The following EEF1G variants were observed in gnomAD, a reference collection of about 807,000 sequenced individuals.
The protein encoded by EEF1G is eukaryotic translation elongation factor 1 gamma.
In EEF1G, 14 loss-of-function variants were observed where a neutral mutation model predicts 58.3. The observed-to-expected ratio is 0.24, with a 90% CI of 0.16 to 0.38. The LOEUF (loss-of-function observed/expected upper bound fraction) is 0.38, where lower values mean the gene tolerates loss of function less well. Among genes scored for constraint, EEF1G ranks in the 10% least tolerant of loss-of-function variants. EEF1G has a pLI of 1.00. For missense variants in EEF1G, 322 were observed against 550.1 expected (o/e 0.59, Z 4.15); for synonymous variants, 180 against 206.8 (o/e 0.87, Z 1.11).
chr11:62,559,730 C>T lies in EEF1G; in HGVS notation c.1263G>A (p.Gly421=), dbSNP rs768449639. ...TLVREYFSWE[G]AFQHVGKAFN... is the part of the protein sequence containing the mutation. ...AGGCTTTGCCCACATGCTGGAAGGC[C>T]CCCTCCCAGGAAAAGTACTCTCGAA... is the stretch of plus-strand genomic sequence containing the variant. The change falls in exon 10 of 10, where the codon GGG becomes GGA. Residue 421 remains glycine, a synonymous_variant. Transcript: ENST00000329251. 41 of 1,613,968 alleles carry T rather than the reference C, an allele frequency of 2.5e-5. No individual in the cohort carries two copies. Among genetic ancestry groups the T allele is most frequent in the Non-Finnish European group, 3.4e-5 (40 of 1,179,890 alleles).
chr11:62,566,441 G>T (rs777744087), intron 7 of EEF1G, among the ~76,000 whole-genome samples: 3 of 152,054 alleles, frequency 2.0e-5, no homozygotes, highest in Admixed American at 1.3e-4. Flanking sequence ...GTGGCGCACC[G>T]CAAGGCTCTC....
At chr11:62,560,593 G>A in intron 7 of EEF1G, 139 bp from the exon 8 acceptor site, 1 of 974,716 alleles carries the variant, frequency 1.0e-6, no homozygotes, top group Non-Finnish European at 1.5e-6. Context: ...GACCTTATGA[G>A]GGAAGTAAGC....
intron 7 of EEF1G, among the ~76,000 whole-genome samples, chr11:62,566,029 G>T (rs1249126896): frequency 6.6e-6 from 1 of 152,102 alleles, no homozygotes; most frequent in East Asian, 1.9e-4. Context: ...CAGAGAAAGA[G>T]GAGTTCCAAA....
intron 7 of EEF1G, among the ~76,000 whole-genome samples, chr11:62,564,559 G>A (rs990922236): frequency 1.3e-5 from 2 of 151,488 alleles, no homozygotes; most frequent in Admixed American, 6.6e-5. Context: ...TCAGGAGTTC[G>A]AGACCAGCCT....
chr11:62,572,688 G>C lies in EEF1G; in HGVS notation c.67C>G (p.Gln23Glu), dbSNP rs376492856. 2.5e-6 allele frequency: 4 copies of C among 1,613,532 alleles called. No homozygotes were observed. The highest frequency in any genetic ancestry group is 2.5e-6 in the Non-Finnish European group (3 of 1,179,878). The change falls in exon 2 of 10, where the codon CAG (glutamine) becomes GAG (glutamate). Residue 23 changes from glutamine to glutamate, a missense_variant. Around this residue, in one of 3 missense-constraint regions of EEF1G, gnomAD observed 62 missense variants for 87.0 expected, o/e 0.71. Transcript: ENST00000329251. ...ACGCGGACCTGAGCCCCGCTGTACT[G>C]AGCAGCGATGAGAGCCTTGAAGGCC... ...WRAFKALIAA[Q>E]YSGAQVRVLS...
chr11:62,568,157 G>A (rs1267639893), intron 5 of EEF1G, among the ~76,000 whole-genome samples: 1 of 151,708 alleles, frequency 6.6e-6, no homozygotes, highest in African/African-American at 2.4e-5. Context: ...GAACCCGGGA[G>A]GCGGAGCTTG....
chr11:62,572,593 A>C lies in EEF1G; in HGVS notation c.162T>G (p.Pro54=). The C allele has an allele frequency of 6.2e-7, 1 of 1,612,078 alleles. No homozygotes were observed. The highest frequency in any genetic ancestry group is 8.5e-7 in the Non-Finnish European group (1 of 1,179,838). Residue 54 remains proline (P), a synonymous_variant, in exon 2 of 10, where the codon CCT becomes CCG. Coordinates refer to ENST00000329251, the MANE Select transcript of EEF1G (RefSeq NM_001404.5). ...CCATCTCCCAACTCACCTTGCCGGCAGGAAATTTGCGGAGAAATTCAGGGG... is the reference window on the plus strand; with the variant it reads ...CCATCTCCCAACTCACCTTGCCGGCCGGAAATTTGCGGAGAAATTCAGGGG... The part of the protein sequence containing the change: ...NRTPEFLRKF[P]AGKVPAFEGD...
chr11:62,569,547 C>G (rs1941601128), intron 5 of EEF1G, among the ~76,000 whole-genome samples: 2 of 152,086 alleles, frequency 1.3e-5, no homozygotes, highest in Admixed American at 1.3e-4. Flanking sequence ...TAAGCATGGT[C>G]AAAGAAAAAT....
rs1489605780 is a variant in EEF1G, at chr11:62,566,721, G to A, written c.857+85C>T. ...TTTATATGGACAACCTAAAATTCTGGCTCTAGCTGTGTGTGAGGGGGGACA... is the reference window on the plus strand; with the variant it reads ...TTTATATGGACAACCTAAAATTCTGACTCTAGCTGTGTGTGAGGGGGGACA... On this transcript the variant is annotated intron_variant, in intron 7 of 9. Transcript: ENST00000329251. 6 of 1,249,692 alleles carry A rather than the reference G, an allele frequency of 4.8e-6. No homozygotes were observed. The African/African-American group carries it at 9.0e-5, about 19-fold the overall frequency. 77.4% of individuals were successfully genotyped at this position (1,249,692 alleles called of 1,614,324 possible). A position where few individuals can be genotyped will look rare whatever the true frequency, so the allele number is the denominator to read the frequency against.
At chr11:62,564,758 CAAAAAAAAAA>C (rs34663205) in intron 7 of EEF1G, among the ~76,000 whole-genome samples, 29 of 75,042 alleles carry the variant, frequency 3.9e-4, no homozygotes, top group African/African-American at 2.1e-3. Context: ...GACTCCATCT[CAAAAAAAAAA>C]AAAAAAAAAA....
chr11:62,568,182 C>T (rs1344926574), intron 5 of EEF1G, among the ~76,000 whole-genome samples: 1 of 148,814 alleles, frequency 6.7e-6, no homozygotes, highest in Non-Finnish European at 1.5e-5. Context: ...GAGCGGAGAT[C>T]GCGGCACTGC....
intron 5 of EEF1G, among the ~76,000 whole-genome samples, chr11:62,568,286 G>A (rs1316037564): frequency 6.6e-6 from 1 of 150,464 alleles, no homozygotes; most frequent in East Asian, 2.0e-4. Flanking sequence ...TACTCCAGAG[G>A]CTGAGGCAGG....
chr11:62,560,615 G>T (rs989876479), intron 7 of EEF1G, among the ~76,000 whole-genome samples, 161 bp from the exon 8 acceptor site: 1 of 152,188 alleles, frequency 6.6e-6, no homozygotes, highest in Non-Finnish European at 1.5e-5. Flanking sequence ...CAAGGGGTTT[G>T]AACAGGGGCC....
intron 5 of EEF1G, 79 bp downstream of exon 5, chr11:62,570,886 C>G: frequency 1.3e-6 from 2 of 1,589,434 alleles, no homozygotes; most frequent in Non-Finnish European, 1.7e-6. Flanking sequence ...CAGCAGAATA[C>G]AGGGTAACCT....
chr11:62,561,682 CAAAAA>C (rs58957254), intron 7 of EEF1G, among the ~76,000 whole-genome samples: 1 of 124,608 alleles, frequency 8.0e-6, no homozygotes, highest in Non-Finnish European at 1.7e-5. Flanking sequence ...AAAAAAAAAA[CAAAAA>C]AAAAAAAAAC....
chr11:62,570,896 T>C (rs955907018), intron 5 of EEF1G, 69 bp downstream of exon 5: 16 of 1,603,152 alleles, frequency 1.0e-5, no homozygotes, highest in Non-Finnish European at 1.4e-5. Flanking sequence ...CAGGGTAACC[T>C]AGATACCTCG....
At chr11:62,566,771 T>G (rs766121115) in intron 7 of EEF1G, 35 bp downstream of exon 7, 33 of 1,605,762 alleles carry the variant, frequency 2.1e-5, no homozygotes, top group Non-Finnish European at 2.8e-5. Context: ...CAGGCCTTCT[T>G]TGGTCCCACA....
intron 7 of EEF1G, among the ~76,000 whole-genome samples, chr11:62,561,436 A>G (rs1334704143): frequency 6.7e-6 from 1 of 149,788 alleles, no homozygotes; most frequent in Non-Finnish European, 1.5e-5. Flanking sequence ...ACACTTTGGG[A>G]GGCCGAGGCG....
chr11:62,571,088 C>G lies in EEF1G; in HGVS notation c.399G>C (p.Glu133Asp). 1 of 1,613,950 alleles carries G rather than the reference C, an allele frequency of 6.2e-7. No homozygotes were observed. Among genetic ancestry groups the G allele is most frequent in the Non-Finnish European group, 8.5e-7 (1 of 1,179,890 alleles). Residue 133 changes from glutamate to aspartate, a missense_variant, in exon 5 of 10, where the codon GAG (glutamate) becomes GAC (aspartate). Coordinates refer to ENST00000329251, the MANE Select transcript of EEF1G (RefSeq NM_001404.5). ...GCAGCCCCAGAATTCGCCTCACTTC[C>G]TCCTTTGCATTCTCAGTGGCCTAGT... ...HNKQATENAKEEVRRILGLLD... is the reference protein window; with the variant it reads ...HNKQATENAKDEVRRILGLLD...
Sources: gnomAD v4.1 joint callset for allele counts (sites outside exome capture counted in the v4.1 genomes callset) on GRCh38, gnomAD v4.1.1 for gene constraint, gnomAD v4.1.1 regional missense constraint, MANE v1.5 for transcripts, NCBI Gene and HGNC (gene_info 2026-07-23, HGNC 2026-07-21) for gene names.